Variants in BIRC6 observed in about 807,000 individuals in gnomAD.
BIRC6 encodes the protein dual E2 ubiquitin-conjugating enzyme/E3 ubiquitin-protein ligase BIRC6.
A neutral mutation model predicts 503.3 loss-of-function variants in BIRC6; 98 were observed. The ratio of observed to expected loss-of-function variants is 0.19; its 90% confidence interval spans 0.17 to 0.23. BIRC6 has a LOEUF of 0.23. BIRC6 is among the 10% of genes least tolerant of loss of function. The pLI is 1.00. For missense variants in BIRC6, 5,360 were observed against 5,806.0 expected (o/e 0.92, Z 2.50); for synonymous variants, 2,240 against 2,078.7 (o/e 1.08, Z -2.11).
intron 71 of BIRC6, among the ~76,000 whole-genome samples, chr2:32,604,296 A>G (rs1334237126): frequency 2.0e-5 from 3 of 152,200 alleles, no homozygotes; most frequent in African/African-American, 7.2e-5. Flanking sequence ...ACTGAAAATC[A>G]GATTTTTTTA....
intron 65 of BIRC6, among the ~76,000 whole-genome samples, chr2:32,562,213 G>A (rs2059241263): frequency 6.6e-6 from 1 of 151,936 alleles, no homozygotes; most frequent in Non-Finnish European, 1.5e-5. Flanking sequence ...TCATTTTGTG[G>A]TTTTGGTTGT....
intron 20 of BIRC6, among the ~76,000 whole-genome samples, 160 bp from the exon 21 acceptor site, chr2:32,445,361 A>C (rs1450936025): frequency 6.6e-6 from 1 of 152,240 alleles, no homozygotes; most frequent in East Asian, 1.9e-4. Flanking sequence ...TGATCCCTCC[A>C]AGGAGTTATC....
chr2:32,520,662 C>T (rs904973274), intron 57 of BIRC6, among the ~76,000 whole-genome samples: 10 of 152,206 alleles, frequency 6.6e-5, no homozygotes, highest in South Asian at 2.1e-4. Flanking sequence ...ACTAAAAATA[C>T]AAAAATTAGT....
rs564372804 is a variant in BIRC6 at position 32,592,858 on chromosome 2, G to A, written c.13356-1057G>A. Among the ~76,000 whole-genome samples the A allele has an allele frequency of 1.2e-4, 19 of 152,072 alleles. No homozygotes were observed. In the South Asian group the frequency reaches 4.0e-3, roughly 32 times the overall value. On this transcript the variant is annotated intron_variant, in intron 66 of 73. Coordinates refer to ENST00000421745, the MANE Select transcript of BIRC6 (RefSeq NM_016252.4). ...GTTCCACCCGCCTCAGCCTCCCAAA[G>A]TGCTGGGATTACAGGCATGAGCCAC...
chr2:32,548,447 C>T (rs2058207932), intron 64 of BIRC6, among the ~76,000 whole-genome samples: 2 of 146,370 alleles, frequency 1.4e-5, no homozygotes, highest in African/African-American at 5.1e-5. Flanking sequence ...CAGCTCACTG[C>T]AACCTTCACC....
chr2:32,357,489 G>GAGTC lies in BIRC6; in HGVS notation c.325+4_325+7dup, dbSNP rs1160480966. On this transcript the variant is annotated splice_donor_region_variant and intron_variant, in intron 1 of 73. Coordinates refer to ENST00000421745, the MANE Select transcript of BIRC6 (RefSeq NM_016252.4). This position sits in a 1 kb window ranked among gnomAD's most constrained non-coding sequence, Gnocchi z 4.9. ...ACTGCAGGCCTCCGCGCTCAGTGGT[G>GAGTC]AGTCTTCCGCACGCCGGGCGGGCGC... 2.6e-5 allele frequency: 40 copies of GAGTC among 1,544,020 alleles called. No homozygotes were observed. Among genetic ancestry groups the GAGTC allele is most frequent in the Non-Finnish European group, 3.3e-5 (38 of 1,144,776 alleles).
Position 32,467,591 on chromosome 2 carries a change from C to A in BIRC6, c.5423C>A (p.Thr1808Asn). ...PILLTDVLIP[T>N]CGDLASLSID... Reference sequence around the variant, plus strand: ...TTGTTGACTGATGTATTGATTCCCACTTGTGGAGACTTGGCCTCTTTGTCA... The same window carrying A: ...TTGTTGACTGATGTATTGATTCCCAATTGTGGAGACTTGGCCTCTTTGTCA... The change falls in exon 27 of 74, where the codon ACT (threonine) becomes AAT (asparagine). Residue 1808 changes from threonine (T) to asparagine (N), a missense_variant. By Grantham distance (65) the Thr-to-Asn change is moderately conservative. Transcript: ENST00000421745. 1.9e-6 allele frequency: 3 copies of A among 1,613,922 alleles called. No individual in the cohort carries two copies. The highest frequency in any genetic ancestry group is 1.7e-6 in the Non-Finnish European group (2 of 1,179,874).
chr2:32,432,018 A>G (rs2148008430), intron 12 of BIRC6, among the ~76,000 whole-genome samples: 1 of 152,356 alleles, frequency 6.6e-6, no homozygotes, highest in South Asian at 2.1e-4. Context: ...ATAGCAATAC[A>G]GAACCCTGAG....
chr2:32,552,075 C>T (rs1176438518), intron 65 of BIRC6, among the ~76,000 whole-genome samples: 1 of 152,074 alleles, frequency 6.6e-6, no homozygotes, highest in African/African-American at 2.4e-5. Context: ...GATTGGTGAG[C>T]AAGACAAGAA....
chr2:32,369,976 ATATATATATGTATG>A lies in BIRC6; in HGVS notation c.326-7608_326-7595del, dbSNP rs1177882870. ...TATATATATATATATATATATATAT[ATATATATATGTATG>A]TATGTATGTGTGTGTATATATATGC... On this transcript the variant is annotated intron_variant, in intron 1 of 73. Transcript: ENST00000421745. Among the ~76,000 whole-genome samples, 6 of 60,428 alleles carry A rather than the reference ATATATATATGTATG, an allele frequency of 9.9e-5. No homozygotes were observed. In the South Asian group the frequency reaches 2.5e-3, roughly 25 times the overall value. The allele number at this position is 60,428 out of a possible 152,430, so 39.6% of individuals were successfully genotyped here.
chr2:32,482,779 G>A (rs2050555179), intron 39 of BIRC6, among the ~76,000 whole-genome samples, 197 bp downstream of exon 39: 1 of 152,098 alleles, frequency 6.6e-6, no homozygotes, highest in African/African-American at 2.4e-5. Context: ...TTCTCTGTCA[G>A]AATAACACCT....
chr2:32,496,725 T>C (rs988861306), intron 45 of BIRC6, among the ~76,000 whole-genome samples: 1 of 152,196 alleles, frequency 6.6e-6, no homozygotes, highest in African/African-American at 2.4e-5. Flanking sequence ...AGCTTATTGA[T>C]TTTCCAGAAA....
chr2:32,384,872 G>T lies in BIRC6; in HGVS notation c.646-3878G>T, dbSNP rs142372009. On this transcript the variant is annotated intron_variant, in intron 3 of 73. Transcript: ENST00000421745. ...TTCTCCCATTTCTTCTGAAATGGAT[G>T]CCTTTTGGTCTGCATTGACATATTT... Among the ~76,000 whole-genome samples the T allele has an allele frequency of 5.4e-3, 826 of 152,304 alleles. 11 individuals carry two copies. The highest frequency in any genetic ancestry group is 0.019 in the African/African-American group (779 of 41,564).
Position 32,593,912 on chromosome 2 carries a change from C to T in BIRC6, c.13356-3C>T. 1.2e-6 allele frequency: 2 copies of T among 1,602,734 alleles called. No homozygotes were observed. Among genetic ancestry groups the T allele is most frequent in the South Asian group, 1.1e-5 (1 of 87,978 alleles). ...CTTTTCTTTCCATATTAAAAAAATTCAGATCTAAAAGGGAAAATGTTAAAA... is the reference window on the plus strand; with the variant it reads ...CTTTTCTTTCCATATTAAAAAAATTTAGATCTAAAAGGGAAAATGTTAAAA... On this transcript the variant is annotated splice_polypyrimidine_tract_variant and splice_region_variant and intron_variant, in intron 66 of 73. Transcript: ENST00000421745.
intron 62 of BIRC6, among the ~76,000 whole-genome samples, chr2:32,544,175 AC>A (rs1337458081): frequency 6.6e-6 from 1 of 152,218 alleles, no homozygotes; most frequent in Non-Finnish European, 1.5e-5. Flanking sequence ...CATGGAAAAA[AC>A]GTACTAAAAA....
At chr2:32,392,548 GA>G (rs537921784) in intron 5 of BIRC6, among the ~76,000 whole-genome samples, 2 of 152,084 alleles carry the variant, frequency 1.3e-5, no homozygotes, top group Admixed American at 6.5e-5. Context: ...GCCAGGCCAG[GA>G]AAAAAATTGT....
chr2:32,452,566 G>A (rs925547744), intron 22 of BIRC6, among the ~76,000 whole-genome samples: 1 of 151,886 alleles, frequency 6.6e-6, no homozygotes, highest in African/African-American at 2.4e-5. Context: ...TTTGCTATGG[G>A]GATTTCACTC....
Position 32,364,247 on chromosome 2 carries a change from T to C in BIRC6, c.325+6761T>C, listed in dbSNP as rs2034548550. Among the ~76,000 whole-genome samples the C allele has an allele frequency of 2.0e-5, 3 of 152,164 alleles. No individual in the cohort carries two copies. In the South Asian group the frequency reaches 6.2e-4, roughly 31 times the overall value. ...GAAGAAAAAACCTGCTCAGTGTTTTTATTTTATTTTATTTTATTTACATAT... is the reference window on the plus strand; with the variant it reads ...GAAGAAAAAACCTGCTCAGTGTTTTCATTTTATTTTATTTTATTTACATAT... On this transcript the variant is annotated intron_variant, in intron 1 of 73. Coordinates refer to ENST00000421745, the MANE Select transcript of BIRC6 (RefSeq NM_016252.4).
At position 32,502,971 on chromosome 2, in the gene BIRC6, T is replaced by C; in HGVS notation, c.9305-71T>C. 2.6e-6 allele frequency: 4 copies of C among 1,517,348 alleles called. No homozygotes were observed. In the South Asian group the frequency reaches 3.7e-5, roughly 14 times the overall value. 94.0% of individuals were successfully genotyped at this position (1,517,348 alleles called of 1,614,324 possible). On this transcript the variant is annotated intron_variant, in intron 48 of 73. Coordinates refer to ENST00000421745, the MANE Select transcript of BIRC6 (RefSeq NM_016252.4). ...ACATTTTCATTTTTGTAGTCTTTTG[T>C]GGAAGTTTACTTTTGATGTTGAACC...
Sources: allele counts gnomAD v4.1 joint callset (sites outside exome capture counted in the v4.1 genomes callset), GRCh38; gene constraint gnomAD v4.1.1; non-coding constraint Gnocchi (gnomAD v3.1); transcripts MANE v1.5; gene names NCBI Gene and HGNC (gene_info 2026-07-23, HGNC 2026-07-21).